CCND3: variants seen among roughly 807,000 people sequenced by gnomAD.
CCND3 encodes G1/S-specific cyclin-D3.
CCND3 carries 9 observed loss-of-function variants against 28.7 expected under a neutral mutation model. That is an observed-to-expected ratio of 0.31 (90% CI 0.19 to 0.55). The LOEUF is 0.55. Ranked by LOEUF, CCND3 falls within the 20% of genes least tolerant of loss-of-function variation. The pLI, the probability that CCND3 is intolerant of heterozygous loss-of-function variation, is 0.93. For missense variants in CCND3, 315 were observed against 385.8 expected, an observed-to-expected ratio of 0.82 and a Z score of 1.54; for synonymous variants, 164 against 163.9, an observed-to-expected ratio of 1.00 and a Z score of 0.00.
At chr6:41,981,352 C>T (rs1398545539) in intron 1 of CCND3, among the ~76,000 whole-genome samples, 2 of 150,696 alleles carry the variant, frequency 1.3e-5, no homozygotes, top group Admixed American at 1.3e-4. Flanking sequence ...TTATAGGCAC[C>T]CACCACCATC....
upstream of CCND3, among the ~76,000 whole-genome samples, chr6:41,945,485 G>A (rs1776144438): frequency 6.6e-6 from 1 of 152,054 alleles, no homozygotes; most frequent in Non-Finnish European, 1.5e-5. Flanking sequence ...TTGCACTCTA[G>A]CCAGGGCAAC....
At position 42,048,369 on chromosome 6, in the gene CCND3, C is replaced by A; in HGVS notation, c.-46+132G>T. The A allele has an allele frequency of 2.9e-6, 1 of 343,730 alleles. No individual in the cohort carries two copies. The highest frequency in any genetic ancestry group is 5.8e-6 in the Non-Finnish European group (1 of 173,060). 21.3% of individuals were successfully genotyped at this position (343,730 alleles called of 1,614,324 possible). ...TCACTCAGTGGGAAAGTGAGCCAAG[C>A]TTTCGGTGCCAACTAGGAAGTGATG... is the stretch of plus-strand genomic sequence containing the variant. On this transcript the variant is annotated intron_variant, in intron 1 of 4. Transcript: ENST00000372988. The surrounding 1 kb of genome is among the most constrained non-coding windows in gnomAD (Gnocchi z 4.7).
At chr6:41,967,208 G>A (rs1761912174) in intron 1 of CCND3, among the ~76,000 whole-genome samples, 1 of 152,210 alleles carries the variant, frequency 6.6e-6, no homozygotes, top group Admixed American at 6.5e-5. Context: ...AAAGGGGGAA[G>A]GCGGAGGAGT....
chr6:42,017,917 G>A (rs565688645), intron 1 of CCND3, among the ~76,000 whole-genome samples: 256 of 151,682 alleles, frequency 1.7e-3, no homozygotes, highest in African/African-American at 4.0e-3. Context: ...TTGGGAGGCC[G>A]AGGCAGGCGG....
At chr6:41,953,307 T>A (rs1776359531) in intron 1 of CCND3, among the ~76,000 whole-genome samples, 1 of 150,800 alleles carries the variant, frequency 6.6e-6, no homozygotes, top group South Asian at 2.1e-4. Context: ...GTCTGAAGAC[T>A]TCGACTTGAG....
Position 41,976,034 on chromosome 6 carries a change from G to C in CCND3, c.-45-35449C>G, listed in dbSNP as rs191878103. The stretch of plus-strand genomic sequence containing the variant: ...AGCCTGGGCAACATACCAAGACTCT[G>C]TCTCTATAAAAAAAAATTTTAAATT... On this transcript the variant is annotated intron_variant, in intron 1 of 4. Transcript: ENST00000372988. 3.0e-4 allele frequency among the ~76,000 whole-genome samples: 45 copies of C among 151,906 alleles called. No homozygotes were observed. The East Asian group carries it at 5.8e-3, about 20-fold the overall frequency.
rs1013972381 is a variant in CCND3, at chr6:42,012,575, T to G, written c.-46+35926A>C. 5.9e-5 allele frequency among the ~76,000 whole-genome samples: 9 copies of G among 152,274 alleles called. No individual in the cohort carries two copies. In the East Asian group the frequency reaches 1.2e-3, roughly 20 times the overall value. On this transcript the variant is annotated intron_variant, in intron 1 of 4. Transcript: ENST00000372988. ...GAGATGGTGCCACTGTACTCCAGCC[T>G]GGGAGACAGAGTGAGACTCCTCTCA...
intron 1 of CCND3, among the ~76,000 whole-genome samples, chr6:42,012,928 C>A (rs6921368): frequency 0.37 from 56,932 of 151,890 alleles, 10,887 homozygotes; most frequent in African/African-American, 0.42. Flanking sequence ...CTGTTCCATT[C>A]CTGGTCAGTT....
chr6:42,004,435 G>A (rs1390470944), intron 1 of CCND3, among the ~76,000 whole-genome samples: 1 of 152,102 alleles, frequency 6.6e-6, no homozygotes, highest in African/African-American at 2.4e-5. Flanking sequence ...TATATATACA[G>A]AATAACTCTA....
chr6:42,041,551 C>T (rs1258347934), intron 1 of CCND3, among the ~76,000 whole-genome samples: 1 of 152,180 alleles, frequency 6.6e-6, no homozygotes, highest in Admixed American at 6.5e-5. Context: ...ATAGCAGACA[C>T]CGCTTACAGA....
chr6:41,993,089 G>T lies in CCND3; in HGVS notation c.-45-52504C>A, dbSNP rs140916201. Among the ~76,000 whole-genome samples the T allele has an allele frequency of 1.8e-4, 28 of 152,200 alleles. No homozygotes were observed. The East Asian group carries it at 4.5e-3, about 24-fold the overall frequency. ...GCCTGGCTTAAAAATGTTTTGTAGA[G>T]ACAGGGTCTTGATGTGTTGCTTAAA... On this transcript the variant is annotated intron_variant, in intron 1 of 4. Transcript: ENST00000372988.
rs1775915753 is a variant in CCND3 at position 41,939,384 on chromosome 6, C to G, written c.414+986G>C. Among the ~76,000 whole-genome samples the G allele has an allele frequency of 6.6e-6, 1 of 152,138 alleles. No individual in the cohort carries two copies. Among genetic ancestry groups the G allele is most frequent in the Admixed American group, 6.6e-5 (1 of 15,262 alleles). On this transcript the variant is annotated intron_variant, in intron 2 of 4. Coordinates refer to ENST00000372991, the MANE Select transcript of CCND3 (RefSeq NM_001760.5). The surrounding 1 kb of genome is among the most constrained non-coding windows in gnomAD (Gnocchi z 4.2). ...CAAGGTGGAGGAAGGTGCCAGCTCA[C>G]CCACCCTCTCCCCCAGCCTCCCTAG...
At chr6:41,953,397 C>G (rs923364740) in intron 1 of CCND3, among the ~76,000 whole-genome samples, 2 of 151,938 alleles carry the variant, frequency 1.3e-5, no homozygotes, top group Non-Finnish European at 1.5e-5. Flanking sequence ...CTCAGCCTGT[C>G]AAAGGGGGAT....
chr6:42,024,758 T>C (rs1763822545), intron 1 of CCND3, among the ~76,000 whole-genome samples: 1 of 151,988 alleles, frequency 6.6e-6, no homozygotes, highest in African/African-American at 2.4e-5. Flanking sequence ...CTGTCTCTAC[T>C]AAAAATACAA....
In CCND3 at chr6:42,025,820, G is replaced by A. The variant is rs143232987; in HGVS notation, c.-46+22681C>T. Among the ~76,000 whole-genome samples, 425 of 152,344 alleles carry A rather than the reference G, an allele frequency of 2.8e-3. 3 individuals carry two copies. The highest frequency in any genetic ancestry group is 9.7e-3 in the African/African-American group (404 of 41,562). ...AAAACAAGGCTTATAAGCTACAGAGGTAAGGGACTGTGCCCATCTTGTTCT... is the reference window on the plus strand; with the variant it reads ...AAAACAAGGCTTATAAGCTACAGAGATAAGGGACTGTGCCCATCTTGTTCT... On this transcript the variant is annotated intron_variant, in intron 1 of 4. Transcript: ENST00000372988.
chr6:42,047,493 G>A (rs371175818), intron 1 of CCND3, among the ~76,000 whole-genome samples: 3 of 152,308 alleles, frequency 2.0e-5, no homozygotes, highest in Middle Eastern at 3.4e-3. Context: ...GCAAGGACTC[G>A]TCAGAGGAAA....
intron 1 of CCND3, among the ~76,000 whole-genome samples, chr6:41,978,326 A>G (rs1373285269): frequency 6.7e-6 from 1 of 149,264 alleles, no homozygotes; most frequent in Non-Finnish European, 1.5e-5. Context: ...GTGAACTGAG[A>G]TGGCCACTGC....
intron 1 of CCND3, among the ~76,000 whole-genome samples, chr6:42,032,776 C>T (rs1251893648): frequency 1.3e-5 from 2 of 152,200 alleles, no homozygotes; most frequent in East Asian, 3.9e-4. Context: ...GAAACCTACC[C>T]ATTTCCACGA....
chr6:41,956,824 C>A (rs1003021830), intron 1 of CCND3, among the ~76,000 whole-genome samples: 2 of 151,514 alleles, frequency 1.3e-5, no homozygotes, highest in African/African-American at 4.9e-5. Flanking sequence ...GTGGGGAGAT[C>A]GAGACCATCC....
Sources: allele counts gnomAD v4.1 joint callset (sites outside exome capture counted in the v4.1 genomes callset), GRCh38; gene constraint gnomAD v4.1.1; non-coding constraint Gnocchi (gnomAD v3.1); transcripts MANE v1.5; gene names NCBI Gene and HGNC (gene_info 2026-07-23, HGNC 2026-07-21).